Variants in GIPC2 observed in about 807,000 individuals in gnomAD.
GIPC2 encodes the protein PDZ domain-containing protein GIPC2.
A neutral mutation model predicts 30.6 loss-of-function variants in GIPC2; 30 were observed. The observed-to-expected ratio is 0.98, with a 90% CI of 0.73 to 1.33. The LOEUF (loss-of-function observed/expected upper bound fraction) is 1.33, where lower values mean the gene tolerates loss of function less well. Ranked by LOEUF, GIPC2 falls within the 40% of genes most tolerant of loss-of-function variation. The pLI, the probability that GIPC2 is intolerant of heterozygous loss-of-function variation, is 0.00. For synonymous variants in GIPC2, 167 were observed against 150.0 expected, an observed-to-expected ratio of 1.11 and a Z score of -0.83; for missense variants, 414 against 390.3, an observed-to-expected ratio of 1.06 and a Z score of -0.51.
At chr1:78,127,113 T>C (rs1662797318) in intron 5 of GIPC2, among the ~76,000 whole-genome samples, 1 of 152,252 alleles carries the variant, frequency 6.6e-6, no homozygotes, top group African/African-American at 2.4e-5. Context: ...AATCAGGTAC[T>C]TTCTACATTT....
In GIPC2 at chr1:78,136,736, T is replaced by C. The variant is rs951322022; in HGVS notation, c.*993T>C. On this transcript the variant is annotated 3_prime_UTR_variant, in exon 6 of 6. Transcript: ENST00000370759. ...GGAGGAAGGGAGAATTGAGAAAATA[T>C]ATTAGTCTATTATTTTAGAGTTCTA... 2 of 150,582 alleles carry C rather than the reference T, an allele frequency of 1.3e-5. No homozygotes were observed. Among genetic ancestry groups the C allele is most frequent in the Non-Finnish European group, 1.5e-5 (1 of 67,770 alleles). The allele number at this position is 150,582 out of a possible 1,614,324, so 9.3% of individuals were successfully genotyped here. A position where few individuals can be genotyped will look rare whatever the true frequency, so the allele number is the denominator to read the frequency against.
intron 1 of GIPC2, among the ~76,000 whole-genome samples, chr1:78,055,095 A>G (rs1661264050): frequency 6.6e-6 from 1 of 152,216 alleles, no homozygotes; most frequent in Non-Finnish European, 1.5e-5. Flanking sequence ...TTGACTGGGA[A>G]GTCCTAGATT....
intron 1 of GIPC2, among the ~76,000 whole-genome samples, chr1:78,064,742 CTTT>C (rs11327469): frequency 1.4e-4 from 15 of 106,686 alleles, no homozygotes; most frequent in African/African-American, 2.4e-4. Context: ...CTCATGCAAC[CTTT>C]TTTTTTTTTT....
At chr1:78,103,693 G>A (rs1218132365) in intron 3 of GIPC2, among the ~76,000 whole-genome samples, 2 of 152,314 alleles carry the variant, frequency 1.3e-5, no homozygotes, top group Admixed American at 1.3e-4. Flanking sequence ...AGACCATGAT[G>A]CATGCTATAG....
chr1:78,103,179 C>A (rs1662283008), intron 3 of GIPC2, among the ~76,000 whole-genome samples: 1 of 152,180 alleles, frequency 6.6e-6, no homozygotes, highest in Non-Finnish European at 1.5e-5. Flanking sequence ...GCTTGCTGTC[C>A]TCAGGGAACT....
intron 1 of GIPC2, among the ~76,000 whole-genome samples, chr1:78,074,593 G>A (rs1661681412): frequency 6.6e-6 from 1 of 152,098 alleles, no homozygotes; most frequent in Non-Finnish European, 1.5e-5. Flanking sequence ...GGATCAAGGA[G>A]GCCAAATGAC....
chr1:78,073,043 T>G (rs941295783), intron 1 of GIPC2, among the ~76,000 whole-genome samples: 1 of 151,708 alleles, frequency 6.6e-6, no homozygotes, highest in Non-Finnish European at 1.5e-5. Context: ...TCTCCTGACC[T>G]TGTGATCCGC....
chr1:78,084,843 A>T (rs982946796), intron 2 of GIPC2, among the ~76,000 whole-genome samples: 1 of 152,188 alleles, frequency 6.6e-6, no homozygotes, highest in Non-Finnish European at 1.5e-5. Context: ...TTGGGTCAAG[A>T]CTATTGGGTT....
At chr1:78,069,475 CTTTTTT>C (rs1167457025) in intron 1 of GIPC2, among the ~76,000 whole-genome samples, 1 of 127,296 alleles carries the variant, frequency 7.9e-6, no homozygotes, top group South Asian at 2.6e-4. Flanking sequence ...CCCTGTAGTA[CTTTTTT>C]TTTTTTTTTT....
Position 78,119,469 on chromosome 1 carries a change from A to T in GIPC2, c.684A>T (p.Arg228Ser). 1.2e-6 allele frequency: 2 copies of T among 1,611,680 alleles called. No homozygotes were observed. Among genetic ancestry groups the T allele is most frequent in the Non-Finnish European group, 1.7e-6 (2 of 1,177,798 alleles). ...IGCGRATLRL[R>S]SKGPATVEEM... is the part of the protein sequence containing the mutation. ...GTGGAAGGGCAACACTTCGCCTGAG[A>T]TCAAAAGGTCCTGCCACCGTGGAAG... The change falls in exon 4 of 6, where the codon AGA becomes AGT. Residue 228 changes from arginine to serine, a missense_variant. Coordinates refer to ENST00000370759, the MANE Select transcript of GIPC2 (RefSeq NM_017655.6).
intron 2 of GIPC2, 172 bp from the exon 3 acceptor site, chr1:78,094,780 A>G (rs1662105102): frequency 3.9e-6 from 2 of 512,770 alleles, no homozygotes; most frequent in Admixed American, 3.2e-5. Context: ...AAAAGCATAA[A>G]AAGTACTGTT....
At chr1:78,082,499 A>G (rs1661849667) in intron 2 of GIPC2, among the ~76,000 whole-genome samples, 1 of 152,190 alleles carries the variant, frequency 6.6e-6, no homozygotes, top group African/African-American at 2.4e-5. Flanking sequence ...TGACTGGGAA[A>G]GTCATATGGG....
intron 1 of GIPC2, among the ~76,000 whole-genome samples, chr1:78,063,366 T>A (rs1266231863): frequency 6.6e-6 from 1 of 151,518 alleles, no homozygotes; most frequent in Non-Finnish European, 1.5e-5. Flanking sequence ...GTGGCATGCA[T>A]CTGTAATCCT....
chr1:78,063,552 T>C (rs993497369), intron 1 of GIPC2, among the ~76,000 whole-genome samples: 1 of 151,214 alleles, frequency 6.6e-6, no homozygotes, highest in African/African-American at 2.4e-5. Flanking sequence ...TTGTATCTAC[T>C]TGTAGTGAAT....
At chr1:78,107,824 CAAAAAAAAAAAAA>C (rs35134592) in intron 3 of GIPC2, among the ~76,000 whole-genome samples, 4 of 28,762 alleles carry the variant, frequency 1.4e-4, no homozygotes, top group Admixed American at 6.7e-4. Flanking sequence ...AACTCTGTCT[CAAAAAAAAAAAAA>C]AAAAAAAAAA....
At chr1:78,120,257 G>A (rs1380539533) in intron 4 of GIPC2, among the ~76,000 whole-genome samples, 1 of 152,106 alleles carries the variant, frequency 6.6e-6, no homozygotes, top group East Asian at 1.9e-4. Context: ...TCCCTTTGCC[G>A]TGGCTTCCTC....
At chr1:78,104,188 G>GA (rs1486574776) in intron 3 of GIPC2, among the ~76,000 whole-genome samples, 3 of 150,574 alleles carry the variant, frequency 2.0e-5, no homozygotes, top group African/African-American at 7.4e-5. Flanking sequence ...GGGGAGAGGG[G>GA]GCCGGGGGTG....
intron 2 of GIPC2, among the ~76,000 whole-genome samples, chr1:78,088,326 T>C (rs1222021576): frequency 6.6e-6 from 1 of 152,194 alleles, no homozygotes; most frequent in Non-Finnish European, 1.5e-5. Context: ...CTGTTCACAA[T>C]AGTAATGACA....
intron 3 of GIPC2, 22 bp downstream of exon 3, chr1:78,095,154 G>C (rs200240027): frequency 6.4e-7 from 1 of 1,570,138 alleles, no homozygotes; most frequent in Non-Finnish European, 8.7e-7. Flanking sequence ...GTTGGTGGGC[G>C]GGTGTGTGAA....
Sources: gnomAD v4.1 joint callset for allele counts (sites outside exome capture counted in the v4.1 genomes callset) on GRCh38, gnomAD v4.1.1 for gene constraint, MANE v1.5 for transcripts, NCBI Gene and HGNC (gene_info 2026-07-23, HGNC 2026-07-21) for gene names.